ATRX: variants seen among roughly 807,000 people sequenced by gnomAD.
ATRX encodes chromatin remodeler ATRX.
In ATRX, 12 loss-of-function variants were observed where a neutral mutation model predicts 172.6. The observed-to-expected ratio is 0.07, with a 90% CI of 0.04 to 0.11. The LOEUF (loss-of-function observed/expected upper bound fraction) is 0.11, where lower values mean the gene tolerates loss of function less well. Ranked by LOEUF, ATRX falls within the 10% of genes least tolerant of loss-of-function variation. ATRX has a pLI of 1.00. For missense variants in ATRX, 1,368 were observed against 1,767.4 expected (o/e 0.77, Z 4.05); for synonymous variants, 674 against 594.7 (o/e 1.13, Z -1.94).
intron 30 of ATRX, among the ~76,000 whole-genome samples, chrX:77,531,162 G>A (rs1557046252): frequency 9.0e-6 from 1 of 111,572 alleles, no homozygotes; most frequent in Non-Finnish European, 1.9e-5. Flanking sequence ...GCCAAAAAAA[G>A]CCCAGGACCA....
intron 30 of ATRX, among the ~76,000 whole-genome samples, chrX:77,545,656 A>C (rs1315761468): frequency 1.8e-5 from 2 of 111,852 alleles, no homozygotes; most frequent in African/African-American, 6.5e-5. Flanking sequence ...AATGCAAAAG[A>C]AAAGCTAAAA....
At chrX:77,619,794 GAAAA>G (rs1309530915) in intron 20 of ATRX, among the ~76,000 whole-genome samples, 1 of 111,614 alleles carries the variant, frequency 9.0e-6, no homozygotes, top group African/African-American at 3.3e-5. Flanking sequence ...GTGGGAAAAA[GAAAA>G]AAAGTGAGAG....
intron 21 of ATRX, among the ~76,000 whole-genome samples, chrX:77,618,177 G>A (rs1417973845): frequency 1.8e-5 from 2 of 112,248 alleles, no homozygotes; most frequent in African/African-American, 6.5e-5. Flanking sequence ...TGTCTCATTT[G>A]TTAAAACATC....
chrX:77,699,981 C>A (rs781980843), intron 2 of ATRX, among the ~76,000 whole-genome samples: 3 of 111,652 alleles, frequency 2.7e-5, no homozygotes, highest in Non-Finnish European at 3.8e-5. Context: ...GAGAAAACTA[C>A]AGGCAAGTAT....
chrX:77,755,950 G>A (rs1489339380), intron 1 of ATRX, among the ~76,000 whole-genome samples: 4 of 112,466 alleles, frequency 3.6e-5, no homozygotes, highest in African/African-American at 1.3e-4. Flanking sequence ...TGCGCCCACA[G>A]CTGCACCTTC....
chrX:77,684,920 G>A lies in ATRX; in HGVS notation c.662+19C>T. ...CAAAAGTAGGAAACACTGAATGTTAGCTCATCTATATTACCTACCTACATT... is the reference window on the plus strand; with the variant it reads ...CAAAAGTAGGAAACACTGAATGTTAACTCATCTATATTACCTACCTACATT... On this transcript the variant is annotated intron_variant, in intron 8 of 34. Coordinates refer to ENST00000373344, the MANE Select transcript of ATRX (RefSeq NM_000489.6). 1 of 1,168,428 alleles carries A rather than the reference G, an allele frequency of 8.6e-7. No individual in the cohort carries two copies. The highest frequency in any genetic ancestry group is 1.2e-6 in the Non-Finnish European group (1 of 856,248).
intron 1 of ATRX, among the ~76,000 whole-genome samples, chrX:77,749,800 C>A (rs1326683653): frequency 1.8e-5 from 2 of 111,273 alleles, no homozygotes; most frequent in Admixed American, 9.6e-5. Flanking sequence ...CTCTCCTGCT[C>A]TGTCCAGCCG....
chrX:77,717,375 T>C (rs1015996806), intron 1 of ATRX, 132 bp from the exon 2 acceptor site: 24 of 524,050 alleles, frequency 4.6e-5, no homozygotes, highest in Middle Eastern at 5.5e-4. Flanking sequence ...AAGTAAAAAC[T>C]AAGGGAAATG....
intron 1 of ATRX, among the ~76,000 whole-genome samples, chrX:77,737,192 C>T (rs868945424): frequency 2.3e-4 from 25 of 110,202 alleles, no homozygotes; most frequent in Middle Eastern, 4.7e-3. Flanking sequence ...TAGGAGGCCG[C>T]GGCGGGCGAA....
chrX:77,762,628 T>C (rs1569546024), intron 1 of ATRX, among the ~76,000 whole-genome samples: 3 of 110,895 alleles, frequency 2.7e-5, no homozygotes, highest in Non-Finnish European at 5.7e-5. Context: ...TATACTAATA[T>C]CTGTAATTTA....
chrX:77,657,910 T>G (rs983549032), intron 12 of ATRX, among the ~76,000 whole-genome samples: 4 of 111,469 alleles, frequency 3.6e-5, no homozygotes, highest in Non-Finnish European at 1.9e-5. Context: ...ACCGTGAGAG[T>G]AATAAGACAT....
chrX:77,517,259 TAAAC>T (rs1178944230), intron 34 of ATRX, among the ~76,000 whole-genome samples: 56 of 111,074 alleles, frequency 5.0e-4, no homozygotes, highest in African/African-American at 1.8e-3. Context: ...TTTGAGAAGA[TAAAC>T]AAAACTGACA....
At chrX:77,724,367 A>C (rs1204630445) in intron 1 of ATRX, among the ~76,000 whole-genome samples, 2 of 109,021 alleles carry the variant, frequency 1.8e-5, no homozygotes, top group Non-Finnish European at 3.8e-5. Flanking sequence ...AATGCTGCCT[A>C]CTCATTTGAA....
In ATRX at chrX:77,528,144, C is replaced by T. The variant is rs1466174941; in HGVS notation, c.6700-4743G>A. ...AGACCACCCAGACAAGGAGCACCCCCTCCTTCCCCGCACAAGGCACAGCGC... is the reference window on the plus strand; with the variant it reads ...AGACCACCCAGACAAGGAGCACCCCTTCCTTCCCCGCACAAGGCACAGCGC... On this transcript the variant is annotated intron_variant, in intron 30 of 34. Transcript: ENST00000373344. Among the ~76,000 whole-genome samples, 3 of 109,797 alleles carry T rather than the reference C, an allele frequency of 2.7e-5. No individual in the cohort carries two copies. The Admixed American group carries it at 2.9e-4, about 11-fold the overall frequency.
At chrX:77,512,352 C>T (rs1343873665) in intron 34 of ATRX, among the ~76,000 whole-genome samples, 1 of 112,236 alleles carries the variant, frequency 8.9e-6, no homozygotes, top group Non-Finnish European at 1.9e-5. Context: ...AAGGGAGTTT[C>T]TCAATCTGAA....
At chrX:77,565,029 A>T (rs1175133051) in intron 28 of ATRX, among the ~76,000 whole-genome samples, 1 of 111,932 alleles carries the variant, frequency 8.9e-6, no homozygotes, top group African/African-American at 3.2e-5. Flanking sequence ...CAGCAGTTAC[A>T]AGAAAACCCC....
At chrX:77,557,818 G>A (rs2147942796) in intron 29 of ATRX, among the ~76,000 whole-genome samples, 173 bp from the exon 30 acceptor site, 1 of 111,612 alleles carries the variant, frequency 9.0e-6, no homozygotes, top group Non-Finnish European at 1.9e-5. Flanking sequence ...GATTTCATCT[G>A]TTTAGCATAG....
intron 1 of ATRX, among the ~76,000 whole-genome samples, chrX:77,767,113 G>A (rs1291098598): frequency 1.8e-5 from 2 of 111,732 alleles, no homozygotes; most frequent in South Asian, 3.7e-4. Flanking sequence ...GCAGGCACTC[G>A]GCAGGCTGAG....
chrX:77,514,103 T>C (rs2062973878), intron 34 of ATRX, among the ~76,000 whole-genome samples: 1 of 111,479 alleles, frequency 9.0e-6, no homozygotes, highest in Non-Finnish European at 1.9e-5. Flanking sequence ...TAAAAGAAAT[T>C]AGAGATGTCA....
Sources: allele counts gnomAD v4.1 joint callset (sites outside exome capture counted in the v4.1 genomes callset), GRCh38; gene constraint gnomAD v4.1.1; transcripts MANE v1.5; gene names NCBI Gene and HGNC (gene_info 2026-07-23, HGNC 2026-07-21).